Variants in MACROD2 observed in about 807,000 individuals in gnomAD.
The protein encoded by MACROD2 is ADP-ribose glycohydrolase MACROD2.
MACROD2 carries 36 observed loss-of-function variants against 70.4 expected under a neutral mutation model. The ratio of observed to expected loss-of-function variants is 0.51; its 90% confidence interval spans 0.39 to 0.68. The LOEUF is 0.68. MACROD2 is among the 30% of genes least tolerant of loss of function. The pLI is 0.00. For missense variants in MACROD2, 496 were observed against 538.4 expected (o/e 0.92, Z 0.78); for synonymous variants, 172 against 178.8 (o/e 0.96, Z 0.30).
chr20:14,798,274 G>A (rs929400627), intron 5 of MACROD2, among the ~76,000 whole-genome samples: 1 of 151,904 alleles, frequency 6.6e-6, no homozygotes, highest in African/African-American at 2.4e-5. Context: ...TAGATTTGAG[G>A]TAAATTTAAC....
At chr20:15,538,326 A>G (rs997288885) in intron 8 of MACROD2, among the ~76,000 whole-genome samples, 12 of 151,428 alleles carry the variant, frequency 7.9e-5, no homozygotes, top group African/African-American at 2.9e-4. Context: ...AAAGGGGTCT[A>G]GGGGTAGAAT....
chr20:15,771,373 G>A (rs116339249), intron 8 of MACROD2, among the ~76,000 whole-genome samples: 3,390 of 149,128 alleles, frequency 0.023, 121 homozygotes, highest in African/African-American at 0.083. Flanking sequence ...TGTAAAGATG[G>A]GATTTTGCCA....
intron 3 of MACROD2, among the ~76,000 whole-genome samples, chr20:14,222,274 G>C (rs1427266470): frequency 6.6e-6 from 1 of 152,106 alleles, no homozygotes; most frequent in Non-Finnish European, 1.5e-5. Flanking sequence ...AGAAAAGGTA[G>C]TATCTATACA....
chr20:15,144,299 T>C (rs374043160), intron 5 of MACROD2, among the ~76,000 whole-genome samples: 11 of 152,128 alleles, frequency 7.2e-5, no homozygotes, highest in African/African-American at 2.7e-4. Flanking sequence ...TGATCAAAAC[T>C]CCAATGCACA....
intron 2 of MACROD2, among the ~76,000 whole-genome samples, chr20:14,084,227 A>G (rs900179935): frequency 3.9e-5 from 6 of 151,902 alleles, no homozygotes; most frequent in Non-Finnish European, 8.8e-5. Flanking sequence ...GTCCAAAGAC[A>G]ATTTAGGTGA....
At chr20:14,080,684 TCA>T (rs2053980833) in intron 2 of MACROD2, among the ~76,000 whole-genome samples, 1 of 102,650 alleles carries the variant, frequency 9.7e-6, no homozygotes, top group South Asian at 3.5e-4. Flanking sequence ...CTAGTCCTGT[TCA>T]TTTTTTTTTT....
chr20:14,918,042 G>A (rs930791671), intron 5 of MACROD2, among the ~76,000 whole-genome samples: 2 of 152,000 alleles, frequency 1.3e-5, no homozygotes, highest in Non-Finnish European at 2.9e-5. Context: ...GTGCAATCTT[G>A]GCTCACTTTA....
chr20:14,206,605 G>A (rs894682323), intron 3 of MACROD2, among the ~76,000 whole-genome samples: 2 of 147,802 alleles, frequency 1.4e-5, no homozygotes, highest in African/African-American at 4.9e-5. Context: ...TTGTTAAATT[G>A]TATTAAATCG....
At chr20:14,189,513 GTTTAAATTAGAGTT>G (rs1021023488) in intron 3 of MACROD2, among the ~76,000 whole-genome samples, 1 of 152,082 alleles carries the variant, frequency 6.6e-6, no homozygotes, top group African/African-American at 2.4e-5. Flanking sequence ...CTCAGATGAG[GTTTAAATTAGAGTT>G]TTTAAGGTTA....
intron 6 of MACROD2, among the ~76,000 whole-genome samples, chr20:15,406,651 T>C (rs2046005761): frequency 6.6e-6 from 1 of 152,202 alleles, no homozygotes; most frequent in African/African-American, 2.4e-5. Flanking sequence ...TTTGCACTTA[T>C]ATAAACTTTA....
chr20:15,676,002 A>G (rs1027956159), intron 8 of MACROD2, among the ~76,000 whole-genome samples: 2 of 152,212 alleles, frequency 1.3e-5, no homozygotes, highest in African/African-American at 4.8e-5. Context: ...TTTCTTGTGT[A>G]TCAAATGGCA....
At chr20:14,563,867 T>C (rs1472848716) in intron 4 of MACROD2, among the ~76,000 whole-genome samples, 1 of 151,890 alleles carries the variant, frequency 6.6e-6, no homozygotes, top group Non-Finnish European at 1.5e-5. Flanking sequence ...TCATGTGGAA[T>C]CAAAAAAGAA....
chr20:14,569,057 A>G (rs1303714320), intron 4 of MACROD2, among the ~76,000 whole-genome samples: 1 of 151,956 alleles, frequency 6.6e-6, no homozygotes, highest in Non-Finnish European at 1.5e-5. Context: ...GTTTTGCTTC[A>G]AAAAAACAAA....
At chr20:15,855,969 A>G (rs532447183) in intron 8 of MACROD2, among the ~76,000 whole-genome samples, 19 of 152,264 alleles carry the variant, frequency 1.2e-4, no homozygotes, top group African/African-American at 3.6e-4. Flanking sequence ...GATATTGCAA[A>G]TAGTGCTGCT....
chr20:15,815,907 C>T (rs1423513525), intron 8 of MACROD2, among the ~76,000 whole-genome samples: 1 of 152,080 alleles, frequency 6.6e-6, no homozygotes, highest in Non-Finnish European at 1.5e-5. Context: ...AGTTTATTTA[C>T]ATAATTAGTC....
chr20:15,741,081 A>T (rs2051097577), intron 8 of MACROD2, among the ~76,000 whole-genome samples: 1 of 148,412 alleles, frequency 6.7e-6, no homozygotes, highest in Non-Finnish European at 1.5e-5. Context: ...CAAAACTCTC[A>T]GTTATCATAT....
chr20:15,626,084 C>T (rs1350333885), intron 8 of MACROD2, among the ~76,000 whole-genome samples: 1 of 152,196 alleles, frequency 6.6e-6, no homozygotes, highest in East Asian at 1.9e-4. Context: ...CTGCATTAAC[C>T]ATACAGATGA....
At chr20:14,971,498 G>C (rs1262806124) in intron 5 of MACROD2, among the ~76,000 whole-genome samples, 3 of 152,040 alleles carry the variant, frequency 2.0e-5, no homozygotes, top group African/African-American at 7.2e-5. Context: ...TTTTCCTTCT[G>C]TTCTAAGTAT....
chr20:14,025,704 A>G (rs1323968579), intron 2 of MACROD2, among the ~76,000 whole-genome samples: 1 of 152,204 alleles, frequency 6.6e-6, no homozygotes. Flanking sequence ...CTGTGGTCTG[A>G]GAGACTGCTT....
Sources: allele counts gnomAD v4.1 joint callset (sites outside exome capture counted in the v4.1 genomes callset), GRCh38; gene constraint gnomAD v4.1.1; transcripts MANE v1.5; gene names NCBI Gene and HGNC (gene_info 2026-07-23, HGNC 2026-07-21).